SLC7A8: variants seen among roughly 807,000 people sequenced by gnomAD.
SLC7A8 encodes the protein solute carrier family 7 member 8.
Under a neutral mutation model 51.2 loss-of-function variants are expected in SLC7A8, and 30 were observed. The observed-to-expected ratio is 0.59, with a 90% CI of 0.44 to 0.80. The LOEUF is 0.80. Ranked by LOEUF, SLC7A8 falls within the 30% of genes least tolerant of loss-of-function variation. The pLI, the probability that SLC7A8 is intolerant of heterozygous loss-of-function variation, is 0.00. For synonymous variants in SLC7A8, 257 were observed against 275.8 expected (o/e 0.93, Z 0.67); for missense variants, 612 against 674.4 (o/e 0.91, Z 1.03).
In SLC7A8 at chr14:23,180,106, C is replaced by T. The variant is rs546829671; in HGVS notation, c.151+2658G>A. Reference sequence around the variant, plus strand: ...ATTTTTTAGTAGAGACGAGGTTTCACCGTGTTAGCCAGGATGGTCTTGATC... The same window carrying T: ...ATTTTTTAGTAGAGACGAGGTTTCATCGTGTTAGCCAGGATGGTCTTGATC... On this transcript the variant is annotated intron_variant, in intron 1 of 10. Transcript: ENST00000316902. Among the ~76,000 whole-genome samples, 184 of 152,220 alleles carry T rather than the reference C, an allele frequency of 1.2e-3. 1 individual carries two copies. The highest frequency in any genetic ancestry group is 4.8e-3 in the South Asian group (23 of 4,824).
intron 3 of SLC7A8, among the ~76,000 whole-genome samples, chr14:23,161,478 G>A (rs969243983): frequency 2.5e-5 from 2 of 79,824 alleles, no homozygotes; most frequent in South Asian, 4.5e-4. Flanking sequence ...ATATGTTTAC[G>A]CCACACCGGA....
intron 3 of SLC7A8, among the ~76,000 whole-genome samples, chr14:23,151,567 G>T (rs938150697): frequency 1.3e-4 from 20 of 151,870 alleles, no homozygotes; most frequent in Non-Finnish European, 2.8e-4. Flanking sequence ...GGCCAGCCTG[G>T]GCAACACAGC....
intron 1 of SLC7A8, among the ~76,000 whole-genome samples, chr14:23,169,727 G>A (rs964576422): frequency 6.6e-6 from 1 of 152,120 alleles, no homozygotes; most frequent in Non-Finnish European, 1.5e-5. Flanking sequence ...AATTTATAGG[G>A]GAAGAAAGTA....
intron 7 of SLC7A8, among the ~76,000 whole-genome samples, 173 bp downstream of exon 7, chr14:23,137,748 C>G (rs2140309470): frequency 6.6e-6 from 1 of 152,296 alleles, no homozygotes; most frequent in East Asian, 1.9e-4. Flanking sequence ...AGCACACACT[C>G]CTCAGCATCC....
At chr14:23,180,073 T>C (rs1212253850) in intron 1 of SLC7A8, among the ~76,000 whole-genome samples, 1 of 151,670 alleles carries the variant, frequency 6.6e-6, no homozygotes, top group East Asian at 1.9e-4. Context: ...GCCCGGCTAA[T>C]TTTTTGTATT....
chr14:23,145,769 A>C (rs898861448), intron 3 of SLC7A8, among the ~76,000 whole-genome samples: 28 of 152,170 alleles, frequency 1.8e-4, no homozygotes, highest in African/African-American at 6.0e-4. Flanking sequence ...AAGGAGACAC[A>C]ATCCCTAGTT....
chr14:23,129,951 AAT>A (rs2048617373), intron 8 of SLC7A8, 152 bp from the exon 9 acceptor site: 1 of 728,986 alleles, frequency 1.4e-6, no homozygotes, highest in African/African-American at 1.8e-5. Flanking sequence ...CTAGTAACCC[AAT>A]ATGTTACAAC....
intron 3 of SLC7A8, among the ~76,000 whole-genome samples, chr14:23,162,067 C>T (rs1447791725): frequency 1.3e-5 from 2 of 149,390 alleles, no homozygotes; most frequent in Non-Finnish European, 3.0e-5. Context: ...ATTTGAGGGG[C>T]CTATAGAAGT....
intron 3 of SLC7A8, among the ~76,000 whole-genome samples, chr14:23,164,923 T>C (rs983922329): frequency 4.0e-5 from 6 of 151,170 alleles, no homozygotes; most frequent in African/African-American, 7.3e-5. Flanking sequence ...ATCTGGGAGA[T>C]GGAGGTTGCA....
Position 23,126,701 on chromosome 14 carries a change from T to C in SLC7A8, c.*476A>G, listed in dbSNP as rs984609635. 3 of 162,312 alleles carry C rather than the reference T, an allele frequency of 1.8e-5. No individual in the cohort carries two copies. Among genetic ancestry groups the C allele is most frequent in the Admixed American group, 1.8e-4 (3 of 16,766 alleles). 10.1% of individuals were successfully genotyped at this position (162,312 alleles called of 1,614,324 possible). ...GCAGAGGGAAGCATCCCCTTGGATT[T>C]TGGGTCCCTGGTGAACAGATAGGGT... On this transcript the variant is annotated 3_prime_UTR_variant, in exon 11 of 11. Transcript: ENST00000316902.
In SLC7A8 at chr14:23,165,501, C is replaced by T; in HGVS notation, c.357-65G>A. 1 of 1,498,252 alleles carries T rather than the reference C, an allele frequency of 6.7e-7. No homozygotes were observed. The highest frequency in any genetic ancestry group is 8.9e-7 in the Non-Finnish European group (1 of 1,127,002). 92.8% of individuals were successfully genotyped at this position (1,498,252 alleles called of 1,614,324 possible). On this transcript the variant is annotated intron_variant, in intron 2 of 10. Transcript: ENST00000316902. The surrounding 1 kb of genome is among the most constrained non-coding windows in gnomAD (Gnocchi z 4.2). ...GGACGCAGAGCCATCAGGGGAGAGCCCGGGCAAGTCATGCATCTCTTTTTT... is the reference window on the plus strand; with the variant it reads ...GGACGCAGAGCCATCAGGGGAGAGCTCGGGCAAGTCATGCATCTCTTTTTT...
At chr14:23,170,915 G>A (rs1457270194) in intron 1 of SLC7A8, among the ~76,000 whole-genome samples, 1 of 152,022 alleles carries the variant, frequency 6.6e-6, no homozygotes, top group Non-Finnish European at 1.5e-5. Flanking sequence ...TCGATGGGGG[G>A]AGGGGGTCTC....
At chr14:23,160,308 A>T (rs1194951528) in intron 3 of SLC7A8, among the ~76,000 whole-genome samples, 1 of 152,196 alleles carries the variant, frequency 6.6e-6, no homozygotes, top group Non-Finnish European at 1.5e-5. Context: ...GGGGTGGCTC[A>T]CAGCTGTAAT....
chr14:23,135,383 C>T (rs933544063), intron 7 of SLC7A8, among the ~76,000 whole-genome samples: 9 of 151,162 alleles, frequency 6.0e-5, no homozygotes, highest in Non-Finnish European at 1.0e-4. Context: ...AGCCACTGCG[C>T]CTGGACATAA....
At chr14:23,154,985 G>T (rs1482185158) in intron 3 of SLC7A8, among the ~76,000 whole-genome samples, 1 of 65,834 alleles carries the variant, frequency 1.5e-5, no homozygotes, top group Non-Finnish European at 2.9e-5. Flanking sequence ...CCCACAAAAA[G>T]CCACACAACA....
At chr14:23,148,539 C>A (rs111573533) in intron 3 of SLC7A8, among the ~76,000 whole-genome samples, 18,199 of 152,142 alleles carry the variant, frequency 0.12, 2,568 homozygotes, top group African/African-American at 0.34. Flanking sequence ...AGTTAAGGAT[C>A]TTGAGATGGG....
rs1022168261 is a variant in SLC7A8 at position 23,139,203 on chromosome 14, G to A, written c.912+221C>T. Among the ~76,000 whole-genome samples, 8 of 152,114 alleles carry A rather than the reference G, an allele frequency of 5.3e-5. No homozygotes were observed. The East Asian group carries it at 1.2e-3, about 22-fold the overall frequency. On this transcript the variant is annotated intron_variant, in intron 6 of 10. Coordinates refer to ENST00000316902, the MANE Select transcript of SLC7A8 (RefSeq NM_012244.4). ...CACGCGGTCTCTGTGGCAATGACTC[G>A]GTTCTGCCATTGTAGCTGTTCTAGG...
At position 23,166,463 on chromosome 14, in the gene SLC7A8, T is replaced by G; in HGVS notation, c.229A>C (p.Ile77Leu). ...ENAGSVGLAL[I>L]VWIVTGFITV... ...ATGAAGCCCGTCACAATCCAGACGA[T>G]GAGAGCAAGGCCCACAGAACCAGCA... The change falls in exon 2 of 11, where the codon ATC becomes CTC. Residue 77 changes from isoleucine (I) to leucine (L), a missense_variant. Ile to Leu is a conservative substitution (Grantham distance 5). Coordinates refer to ENST00000316902, the MANE Select transcript of SLC7A8 (RefSeq NM_012244.4). The G allele has an allele frequency of 1.2e-6, 2 of 1,614,080 alleles. No individual in the cohort carries two copies. Among genetic ancestry groups the G allele is most frequent in the Non-Finnish European group, 1.7e-6 (2 of 1,180,020 alleles).
intron 5 of SLC7A8, among the ~76,000 whole-genome samples, chr14:23,140,001 T>C (rs928832647): frequency 6.6e-6 from 1 of 152,080 alleles, no homozygotes; most frequent in South Asian, 2.1e-4. Flanking sequence ...GGTGAGACCC[T>C]GTCTAAAAAC....
Sources: gnomAD v4.1 joint callset for allele counts (sites outside exome capture counted in the v4.1 genomes callset) on GRCh38, gnomAD v4.1.1 for gene constraint, Gnocchi (gnomAD v3.1) non-coding constraint, MANE v1.5 for transcripts, NCBI Gene and HGNC (gene_info 2026-07-23, HGNC 2026-07-21) for gene names.